SLCO1A2: variants seen among roughly 807,000 people sequenced by gnomAD.
SLCO1A2 encodes solute carrier organic anion transporter family member 1A2.
SLCO1A2 carries 67 observed loss-of-function variants against 69.0 expected under a neutral mutation model. That is an observed-to-expected ratio of 0.97 (90% CI 0.80 to 1.19). The LOEUF is 1.19. Ranked by LOEUF, SLCO1A2 falls within the 50% of genes most tolerant of loss-of-function variation. The pLI, the probability that SLCO1A2 is intolerant of heterozygous loss-of-function variation, is 0.00. For missense variants in SLCO1A2, 787 were observed against 793.7 expected, an observed-to-expected ratio of 0.99 and a Z score of 0.10; for synonymous variants, 260 against 265.9, an observed-to-expected ratio of 0.98 and a Z score of 0.22.
rs191925707 is a variant in SLCO1A2 at position 21,328,534 on chromosome 12, T to C, written c.60+6054A>G. Among the ~76,000 whole-genome samples, 8 of 152,246 alleles carry C rather than the reference T, an allele frequency of 5.3e-5. No homozygotes were observed. In the East Asian group the frequency reaches 1.5e-3, roughly 29 times the overall value. ...GGGGTCTCAGGCCTCTAGGCAGTTA[T>C]GGATTCTCCTGGCGTGAGCAGGTAG... On this transcript the variant is annotated intron_variant, in intron 2 of 14. Coordinates refer to ENST00000683939, the MANE Select transcript of SLCO1A2 (RefSeq NM_001386879.1).
intron 4 of SLCO1A2, chr12:21,311,480 A>C (rs1312873312): frequency 6.6e-6 from 1 of 151,902 alleles, no homozygotes; most frequent in African/African-American, 2.4e-5. Context: ...TTGAAAGTCC[A>C]AGTTACTCCT....
chr12:21,323,349 G>A (rs191017260), intron 2 of SLCO1A2, among the ~76,000 whole-genome samples: 2 of 152,236 alleles, frequency 1.3e-5, no homozygotes, highest in Admixed American at 1.3e-4. Context: ...TTGAGCCCAG[G>A]AGTTTGAGAC....
intron 2 of SLCO1A2, among the ~76,000 whole-genome samples, chr12:21,328,750 A>G (rs1429797317): frequency 6.6e-6 from 1 of 151,242 alleles, no homozygotes; most frequent in Non-Finnish European, 1.5e-5. Flanking sequence ...TCCCCCACCC[A>G]GTTTCCCCTG....
Position 21,274,601 on chromosome 12 carries a change from GA to G in SLCO1A2, c.1676-16del. The G allele has an allele frequency of 6.8e-7, 1 of 1,480,596 alleles. No individual in the cohort carries two copies. The highest frequency in any genetic ancestry group is 9.4e-7 in the Non-Finnish European group (1 of 1,061,674). 91.7% of individuals were successfully genotyped at this position (1,480,596 alleles called of 1,614,324 possible). A position where few individuals can be genotyped will look rare whatever the true frequency, so the allele number is the denominator to read the frequency against. ...AGGAATGCCAGCTACAATTGACAGGGAAAGAAAAATCTATCAACAAGAATTA... is the reference window on the plus strand; with the variant it reads ...AGGAATGCCAGCTACAATTGACAGGGAAGAAAAATCTATCAACAAGAATTA... On this transcript the variant is annotated splice_polypyrimidine_tract_variant and intron_variant, in intron 13 of 14. Coordinates refer to ENST00000683939, the MANE Select transcript of SLCO1A2 (RefSeq NM_001386879.1).
chr12:21,410,872 T>G (rs533506857), intron 1 of SLCO1A2, among the ~76,000 whole-genome samples: 3 of 152,208 alleles, frequency 2.0e-5, no homozygotes, highest in Non-Finnish European at 4.4e-5. Flanking sequence ...ATTGGCTATT[T>G]GCATTTCTTC....
intron 1 of SLCO1A2, chr12:21,378,341 C>T: frequency 6.2e-7 from 1 of 1,614,162 alleles, no homozygotes; most frequent in Non-Finnish European, 8.5e-7. Context: ...ATTCTCTCAT[C>T]TACCAACGTG....
chr12:21,372,348 G>A (rs914299997), intron 2 of SLCO1A2, among the ~76,000 whole-genome samples: 4 of 152,040 alleles, frequency 2.6e-5, no homozygotes, highest in Non-Finnish European at 4.4e-5. Flanking sequence ...CATATCTCTG[G>A]TACCTAGAAT....
At chr12:21,400,470 G>A (rs1193055243) in intron 1 of SLCO1A2, among the ~76,000 whole-genome samples, 118 of 151,368 alleles carry the variant, frequency 7.8e-4, no homozygotes, top group African/African-American at 2.7e-3. Context: ...TCAGTGTGGC[G>A]ATTCCTCAGG....
At chr12:21,294,289 T>C in intron 10 of SLCO1A2, 179 bp from the exon 11 acceptor site, 1 of 464,996 alleles carries the variant, frequency 2.2e-6, no homozygotes, top group Non-Finnish European at 3.7e-6. Flanking sequence ...CCTGCTTTGA[T>C]GACCACATAG....
At chr12:21,300,012 A>G (rs1948483305) in intron 8 of SLCO1A2, among the ~76,000 whole-genome samples, 1 of 149,020 alleles carries the variant, frequency 6.7e-6, no homozygotes, top group East Asian at 2.0e-4. Flanking sequence ...GTGTGTGTAC[A>G]TATATATGTG....
chr12:21,348,591 T>G (rs2137004403), intron 2 of SLCO1A2, among the ~76,000 whole-genome samples: 1 of 152,292 alleles, frequency 6.6e-6, no homozygotes, highest in Non-Finnish European at 1.5e-5. Context: ...CTTTTTTTAC[T>G]CCCTTTTTTA....
At chr12:21,372,428 G>T (rs1409831821) in intron 2 of SLCO1A2, among the ~76,000 whole-genome samples, 6 of 152,054 alleles carry the variant, frequency 3.9e-5, no homozygotes, top group South Asian at 2.1e-4. Context: ...CATTGTAAAT[G>T]ACTTTTGATT....
At chr12:21,275,889 C>T (rs1943734345) in intron 12 of SLCO1A2, among the ~76,000 whole-genome samples, 1 of 151,902 alleles carries the variant, frequency 6.6e-6, no homozygotes, top group South Asian at 2.1e-4. Flanking sequence ...TTGCAATGAG[C>T]TGAAATTGCG....
At position 21,264,697 on chromosome 12, in the gene SLCO1A2, A is replaced by G. The variant is rs1398802077; in HGVS notation, c.*4851T>C. ...AAGCAATCTTACAGGATTATGCAAT[A>G]GTGTCTCACACAGAAATGACTCCAA... On this transcript the variant is annotated 3_prime_UTR_variant, in exon 15 of 15. Transcript: ENST00000683939. 11 of 152,166 alleles carry G rather than the reference A, an allele frequency of 7.2e-5. No homozygotes were observed. Among genetic ancestry groups the G allele is most frequent in the Admixed American group, 7.2e-4 (11 of 15,266 alleles). The allele number at this position is 152,166 out of a possible 1,614,324, so 9.4% of individuals were successfully genotyped here.
chr12:21,365,034 T>G (rs1054387120), intron 2 of SLCO1A2, among the ~76,000 whole-genome samples: 5 of 152,126 alleles, frequency 3.3e-5, no homozygotes, highest in Admixed American at 6.5e-5. Flanking sequence ...TTCACAGAAT[T>G]GGAAAAAACT....
In SLCO1A2 at chr12:21,285,788, G is replaced by A. The variant is rs188378235; in HGVS notation, c.1610+6376C>T. Among the ~76,000 whole-genome samples the A allele has an allele frequency of 7.3e-5, 11 of 151,712 alleles. 1 individual carries two copies. In the East Asian group the frequency reaches 2.1e-3, roughly 29 times the overall value. On this transcript the variant is annotated intron_variant, in intron 12 of 14. Coordinates refer to ENST00000683939, the MANE Select transcript of SLCO1A2 (RefSeq NM_001386879.1). ...GATTATCTCAATAGATGCAGAAAAA[G>A]CCTTTGACAAAATGCACCAATCCTT...
intron 2 of SLCO1A2, among the ~76,000 whole-genome samples, chr12:21,353,077 T>C (rs983999256): frequency 6.6e-6 from 1 of 152,194 alleles, no homozygotes; most frequent in Non-Finnish European, 1.5e-5. Flanking sequence ...ACATTCAAAT[T>C]CGAATCAGAA....
upstream of SLCO1A2, among the ~76,000 whole-genome samples, chr12:21,397,961 G>A (rs1941535624): frequency 1.0e-5 from 1 of 100,320 alleles, no homozygotes; most frequent in East Asian, 2.6e-4. Flanking sequence ...ACAATTAAAA[G>A]AACTAGAAAA....
intron 3 of SLCO1A2, among the ~76,000 whole-genome samples, chr12:21,317,260 AC>A (rs1346745219): frequency 6.6e-6 from 1 of 151,922 alleles, no homozygotes; most frequent in African/African-American, 2.4e-5. Context: ...CCCATTTCTC[AC>A]CCCTGCCCAT....
Sources: allele counts gnomAD v4.1 joint callset (sites outside exome capture counted in the v4.1 genomes callset), GRCh38; gene constraint gnomAD v4.1.1; transcripts MANE v1.5; gene names NCBI Gene and HGNC (gene_info 2026-07-23, HGNC 2026-07-21).